Variants in PIK3C2G observed in about 807,000 individuals in gnomAD.
PIK3C2G encodes phosphatidylinositol-4-phosphate 3-kinase catalytic subunit type 2 gamma, also known as phosphatidylinositol 3-kinase C2 domain-containing subunit gamma.
In PIK3C2G, 168 loss-of-function variants were observed where a neutral mutation model predicts 181.1. The observed-to-expected ratio is 0.93, with a 90% CI of 0.82 to 1.05. The LOEUF is 1.05. PIK3C2G is among the 50% of genes least tolerant of loss of function. The pLI is 0.00. For missense variants in PIK3C2G, 1,869 were observed against 1,732.8 expected (o/e 1.08, Z -1.40); for synonymous variants, 573 against 592.2 (o/e 0.97, Z 0.47).
chr12:18,664,603 A>G, the PIK3C2G span, among the ~76,000 whole-genome samples: 1 of 152,148 alleles, frequency 6.6e-6, no homozygotes, highest in Non-Finnish European at 1.5e-5. Context: ...AGTGGTTGCC[A>G]GGTCAGGGAT....
chr12:18,466,865 C>G (rs1166854360), intron 18 of PIK3C2G, among the ~76,000 whole-genome samples: 2 of 151,968 alleles, frequency 1.3e-5, no homozygotes, highest in African/African-American at 4.8e-5. Context: ...CACACACAAA[C>G]AAAGTAATAA....
chr12:18,592,645 AAC>A (rs1398370406), intron 29 of PIK3C2G, among the ~76,000 whole-genome samples: 28 of 152,052 alleles, frequency 1.8e-4, no homozygotes, highest in Non-Finnish European at 1.2e-4. Flanking sequence ...AGAGAAAAAT[AAC>A]ACACAATTTG....
chr12:18,629,039 T>C (rs912669208), intron 31 of PIK3C2G, among the ~76,000 whole-genome samples: 3 of 152,212 alleles, frequency 2.0e-5, no homozygotes, highest in Non-Finnish European at 2.9e-5. Flanking sequence ...TTACATATAT[T>C]TGACAAAATA....
At chr12:18,378,238 A>G (rs1942589146) in intron 13 of PIK3C2G, among the ~76,000 whole-genome samples, 1 of 152,224 alleles carries the variant, frequency 6.6e-6, no homozygotes, top group Non-Finnish European at 1.5e-5. Context: ...TATGGTAAGG[A>G]CACAAATATA....
intron 8 of PIK3C2G, among the ~76,000 whole-genome samples, chr12:18,326,346 T>C (rs1035421024): frequency 6.6e-6 from 1 of 152,186 alleles, no homozygotes; most frequent in African/African-American, 2.4e-5. Context: ...ATATTGTGAG[T>C]CAGGGAACAT....
chr12:18,347,790 C>T (rs1317770231), intron 11 of PIK3C2G, among the ~76,000 whole-genome samples: 2 of 151,590 alleles, frequency 1.3e-5, no homozygotes, highest in Admixed American at 6.6e-5. Flanking sequence ...TGCACTCCAG[C>T]CTGGGGGACA....
intron 1 of PIK3C2G, among the ~76,000 whole-genome samples, chr12:18,263,411 A>G (rs1375732781): frequency 6.6e-6 from 1 of 152,110 alleles, no homozygotes; most frequent in Non-Finnish European, 1.5e-5. Flanking sequence ...AATACTGGAT[A>G]CAGTATCTTA....
At chr12:18,506,640 A>G (rs1471973314) in intron 24 of PIK3C2G, among the ~76,000 whole-genome samples, 3 of 152,216 alleles carry the variant, frequency 2.0e-5, no homozygotes, top group South Asian at 4.1e-4. Context: ...ATGACTGAAT[A>G]ATTATATTAT....
chr12:18,445,830 T>G (rs541384573), intron 18 of PIK3C2G, among the ~76,000 whole-genome samples: 1 of 152,326 alleles, frequency 6.6e-6, no homozygotes, highest in African/African-American at 2.4e-5. Context: ...TATAATATTC[T>G]ACTATTCACG....
chr12:18,326,788 A>G (rs1951365346), intron 8 of PIK3C2G, among the ~76,000 whole-genome samples: 3 of 152,256 alleles, frequency 2.0e-5, no homozygotes, highest in Admixed American at 2.0e-4. Context: ...GGATATATTA[A>G]GACTTAATTC....
chr12:18,262,115 C>A (rs1015847739), intron 1 of PIK3C2G, among the ~76,000 whole-genome samples: 2 of 152,064 alleles, frequency 1.3e-5, no homozygotes, highest in South Asian at 2.1e-4. Context: ...TGTTCTATTT[C>A]CATTTCCTCC....
chr12:18,601,962 G>T (rs1422719924), intron 30 of PIK3C2G, among the ~76,000 whole-genome samples: 1 of 152,120 alleles, frequency 6.6e-6, no homozygotes, highest in Non-Finnish European at 1.5e-5. Flanking sequence ...GCCAGAGGAG[G>T]GGGTAAAACT....
chr12:18,318,921 C>T (rs1487968795), intron 6 of PIK3C2G, among the ~76,000 whole-genome samples: 2 of 151,634 alleles, frequency 1.3e-5, no homozygotes, highest in African/African-American at 2.4e-5. Context: ...ATAGTGAAAC[C>T]CCATCTATAC....
At chr12:18,694,771 C>T in the PIK3C2G span, 1,465 of 654,128 alleles carry the variant, frequency 2.2e-3, 15 homozygotes, top group African/African-American at 0.024. Context: ...TGCTGGAATA[C>T]TACCCACATA....
chr12:18,463,206 G>A (rs947253817), intron 18 of PIK3C2G, among the ~76,000 whole-genome samples: 11 of 151,958 alleles, frequency 7.2e-5, no homozygotes, highest in South Asian at 2.1e-4. Context: ...TATATCCTAC[G>A]TACCAAAATT....
intron 24 of PIK3C2G, among the ~76,000 whole-genome samples, chr12:18,514,077 T>C (rs552609392): frequency 2.0e-5 from 3 of 151,920 alleles, no homozygotes; most frequent in Non-Finnish European, 2.9e-5. Context: ...GTACTTTTTA[T>C]ATTTTCTGTG....
At chr12:18,623,919 C>A (rs1011292097) in intron 31 of PIK3C2G, among the ~76,000 whole-genome samples, 1 of 151,636 alleles carries the variant, frequency 6.6e-6, no homozygotes, top group Non-Finnish European at 1.5e-5. Context: ...TTTATCAGTT[C>A]TAACAGTTTT....
At chr12:18,698,631 T>G in the PIK3C2G span, among the ~76,000 whole-genome samples, 1 of 152,206 alleles carries the variant, frequency 6.6e-6, no homozygotes, top group African/African-American at 2.4e-5. Context: ...GTAGATTGCA[T>G]TTTTTTAACT....
Position 18,371,388 on chromosome 12 carries a change from G to A in PIK3C2G, c.1880+77G>A. On this transcript the variant is annotated intron_variant, in intron 13 of 32. Transcript: ENST00000538779. ...TAGAAGTAAATATTTTGGAGTATAT[G>A]GCATAATGAGGAAATCAAGACATTT... The A allele has an allele frequency of 2.1e-5, 24 of 1,161,862 alleles. No individual in the cohort carries two copies. The South Asian group carries it at 3.9e-4, about 19-fold the overall frequency. 72.0% of individuals were successfully genotyped at this position (1,161,862 alleles called of 1,614,324 possible).
Sources: allele counts gnomAD v4.1 joint callset (sites outside exome capture counted in the v4.1 genomes callset), GRCh38; gene constraint gnomAD v4.1.1; transcripts MANE v1.5; gene names NCBI Gene and HGNC (gene_info 2026-07-23, HGNC 2026-07-21).